Variants in MAP3K7CL observed in about 807,000 individuals in gnomAD.
MAP3K7CL encodes the protein MAP3K7 C-terminal like.
Under a neutral mutation model 18.6 loss-of-function variants are expected in MAP3K7CL, and 16 were observed. The ratio of observed to expected loss-of-function variants is 0.86; its 90% CI spans 0.58 to 1.31. The LOEUF is 1.31. MAP3K7CL is among the 50% of genes most tolerant of loss of function. The pLI is 0.00. For missense variants in MAP3K7CL, 163 were observed against 174.4 expected (o/e 0.93, Z 0.37); for synonymous variants, 65 against 66.8 (o/e 0.97, Z 0.13).
At chr21:29,151,205 G>A (rs1019609763) in intron 3 of MAP3K7CL, among the ~76,000 whole-genome samples, 25 of 151,818 alleles carry the variant, frequency 1.6e-4, no homozygotes, top group Admixed American at 6.6e-4. Flanking sequence ...GCCCGGTGCC[G>A]TGGCTCACAC....
chr21:29,092,181 AG>A (rs1256934119), intron 3 of MAP3K7CL: 15 of 441,108 alleles, frequency 3.4e-5, no homozygotes, highest in African/African-American at 2.7e-4. Context: ...TGTTTTTATA[AG>A]AAAAATCTGA....
At chr21:29,123,825 A>G (rs374884254) in intron 4 of MAP3K7CL, among the ~76,000 whole-genome samples, 4 of 152,304 alleles carry the variant, frequency 2.6e-5, no homozygotes, top group African/African-American at 9.6e-5. Flanking sequence ...ACACTGGGAT[A>G]TTAACAGATG....
intron 4 of MAP3K7CL, chr21:29,108,907 G>A: frequency 2.6e-6 from 2 of 760,996 alleles, no homozygotes; most frequent in Non-Finnish European, 2.0e-6. Flanking sequence ...CAGCTCCAAT[G>A]GTGTGAAAAT....
intron 1 of MAP3K7CL, 77 bp from the exon 2 acceptor site, chr21:29,133,229 G>T: frequency 9.4e-7 from 1 of 1,068,810 alleles, no homozygotes; most frequent in Admixed American, 2.4e-5. Flanking sequence ...AACTTCACCT[G>T]TAATTTCCAA....
Position 29,149,239 on chromosome 21 carries a change from C to T in MAP3K7CL, c.121C>T (p.Gln41Ter), listed in dbSNP as rs1568962847. The change falls in exon 3 of 5, where the codon CAG becomes TAG. Residue 41 changes from glutamine (Q) to a stop codon, truncating the protein, a stop_gained. Transcript: ENST00000399928. LOFTEE classifies it high-confidence loss of function. ...SIPLVFPELD[Q>*]QLQPLPPCHD... ...TCCTTTGGTCTTTCCAGAATTAGAC[C>T]AGCAGCTACAGGTAAGGATTTTTCT... 18 of 1,613,530 alleles carry T rather than the reference C, an allele frequency of 1.1e-5. No homozygotes were observed. The highest frequency in any genetic ancestry group is 1.4e-5 in the Non-Finnish European group (17 of 1,179,584).
intron 4 of MAP3K7CL, among the ~76,000 whole-genome samples, chr21:29,124,285 C>T (rs745685076): frequency 1.6e-4 from 21 of 128,822 alleles, no homozygotes; most frequent in African/African-American, 5.6e-4. Context: ...ACCTGGGAGG[C>T]GGAGGTTGAG....
intron 4 of MAP3K7CL, chr21:29,092,671 C>T: frequency 3.4e-6 from 5 of 1,466,154 alleles, no homozygotes; most frequent in East Asian, 2.3e-5. Context: ...TTGGGCAGCA[C>T]CTCATTCTGC....
chr21:29,120,499 T>A (rs1166777099), intron 4 of MAP3K7CL, among the ~76,000 whole-genome samples: 1 of 152,192 alleles, frequency 6.6e-6, no homozygotes, highest in East Asian at 1.9e-4. Flanking sequence ...TTTTGTGCAT[T>A]AAATTACATC....
At position 29,130,881 on chromosome 21, in the gene MAP3K7CL, G is replaced by T. The variant is rs2086766753; in HGVS notation, c.-82G>T. On this transcript the variant is annotated 5_prime_UTR_variant, in exon 1 of 5. Coordinates refer to ENST00000399928, the MANE Select transcript of MAP3K7CL (RefSeq NM_001286620.2). ...AAGGCAACGACTGGCCAAGGCAGTG[G>T]CTGGCTCTGGGTTACACAAGTGCAG... 1.0e-6 allele frequency: 1 copy of T among 985,564 alleles called. No individual in the cohort carries two copies. The highest frequency in any genetic ancestry group is 4.7e-5 in the South Asian group (1 of 21,294). 61.1% of individuals were successfully genotyped at this position (985,564 alleles called of 1,614,324 possible).
intron 4 of MAP3K7CL, among the ~76,000 whole-genome samples, chr21:29,160,985 T>G (rs1026473457): frequency 6.6e-6 from 1 of 152,140 alleles, no homozygotes; most frequent in Non-Finnish European, 1.5e-5. Flanking sequence ...GGAGAAGAAA[T>G]AAACATGCTA....
At chr21:29,100,653 T>G (rs994525932) in intron 4 of MAP3K7CL, among the ~76,000 whole-genome samples, 1 of 152,032 alleles carries the variant, frequency 6.6e-6, no homozygotes, top group East Asian at 1.9e-4. Context: ...TAGTTATCTA[T>G]TACGGTGTTA....
At chr21:29,083,532 G>A (rs1225994013), upstream of MAP3K7CL, among the ~76,000 whole-genome samples, 1 of 151,008 alleles carries the variant, frequency 6.6e-6, no homozygotes, top group Non-Finnish European at 1.5e-5. Context: ...TATATGACCT[G>A]TGGGAAAAAT....
intron 4 of MAP3K7CL, among the ~76,000 whole-genome samples, chr21:29,162,337 T>C (rs2087569801): frequency 6.6e-6 from 1 of 151,138 alleles, no homozygotes; most frequent in African/African-American, 2.4e-5. Context: ...AATGCAATAC[T>C]CATCCCCTAA....
intron 4 of MAP3K7CL, among the ~76,000 whole-genome samples, chr21:29,105,562 C>T (rs1346340055): frequency 6.6e-6 from 1 of 152,058 alleles, no homozygotes; most frequent in Non-Finnish European, 1.5e-5. Context: ...AATTATTTAT[C>T]TGGAGAAGTG....
intron 4 of MAP3K7CL, among the ~76,000 whole-genome samples, chr21:29,120,498 T>C (rs2086573705): frequency 2.0e-5 from 3 of 152,194 alleles, no homozygotes; most frequent in Non-Finnish European, 4.4e-5. Flanking sequence ...GTTTTGTGCA[T>C]TAAATTACAT....
chr21:29,171,693 G>A lies in MAP3K7CL; in HGVS notation c.249-3019G>A, dbSNP rs144569357. Among the ~76,000 whole-genome samples, 348 of 151,656 alleles carry A rather than the reference G, an allele frequency of 2.3e-3. 1 individual carries two copies. Among genetic ancestry groups the A allele is most frequent in the African/African-American group, 8.0e-3 (330 of 41,312 alleles). ...TGTGGCGCACACACCTGTAGTCCCA[G>A]CTACTCGCGAGGCTGAGGCAGGAGA... On this transcript the variant is annotated intron_variant, in intron 4 of 4. Coordinates refer to ENST00000399928, the MANE Select transcript of MAP3K7CL (RefSeq NM_001286620.2).
intron 4 of MAP3K7CL, among the ~76,000 whole-genome samples, chr21:29,103,439 T>G (rs2086267233): frequency 6.6e-6 from 1 of 150,958 alleles, no homozygotes; most frequent in South Asian, 2.1e-4. Context: ...AAAAAAAAAT[T>G]AAAAATTACA....
chr21:29,172,590 C>T (rs781282016), intron 4 of MAP3K7CL, among the ~76,000 whole-genome samples: 189 of 152,082 alleles, frequency 1.2e-3, no homozygotes, highest in Non-Finnish European at 2.2e-3. Flanking sequence ...GTTTAGCATC[C>T]GGTCTTATCC....
intron 4 of MAP3K7CL, among the ~76,000 whole-genome samples, chr21:29,096,721 G>C (rs2086128232): frequency 6.6e-6 from 1 of 152,188 alleles, no homozygotes; most frequent in Admixed American, 6.5e-5. Context: ...GTATAAAAGA[G>C]AAATTGTTGG....
Sources: gnomAD v4.1 joint callset for allele counts (sites outside exome capture counted in the v4.1 genomes callset) on GRCh38, gnomAD v4.1.1 for gene constraint, MANE v1.5 for transcripts, NCBI Gene and HGNC (gene_info 2026-07-23, HGNC 2026-07-21) for gene names.